Variants in DEAF1 observed in about 807,000 individuals in gnomAD.
The protein encoded by DEAF1 is deformed epidermal autoregulatory factor 1 homolog.
In DEAF1, 53 loss-of-function variants were observed where a neutral mutation model predicts 58.9. The observed-to-expected ratio is 0.90, with a 90% confidence interval of 0.72 to 1.13. The LOEUF (loss-of-function observed/expected upper bound fraction) is 1.13. Ranked by LOEUF, DEAF1 falls within the 50% of genes most tolerant of loss-of-function variation. The probability of loss-of-function intolerance (pLI) is 0.00; values close to 1 mark genes in which losing one functional copy is unlikely to be tolerated. For missense variants in DEAF1, 685 were observed against 791.4 expected (o/e 0.87, Z 1.61); for synonymous variants, 385 against 340.4 (o/e 1.13, Z -1.44).
chr11:646,203 A>T (rs1353590906), intron 11 of DEAF1: 1 of 147,762 alleles, frequency 6.8e-6, no homozygotes, highest in Admixed American at 6.9e-5. Context: ...CAGTAAGCCA[A>T]GATTGTGCCA....
upstream of DEAF1, chr11:695,812 G>T: frequency 3.2e-6 from 4 of 1,232,408 alleles, no homozygotes; most frequent in Non-Finnish European, 4.1e-6. Flanking sequence ...ACGGACCGGC[G>T]GGCGGGGCGG....
chr11:701,016 C>T (rs556507594), intron 1 of DEAF1: 30 of 441,470 alleles, frequency 6.8e-5, no homozygotes, highest in East Asian at 5.7e-4. Flanking sequence ...TCTGGAGCTC[C>T]GGAATATTCA....
upstream of DEAF1, chr11:700,082 A>T: frequency 1.4e-6 from 2 of 1,450,000 alleles, no homozygotes; most frequent in Non-Finnish European, 1.9e-6. Flanking sequence ...CCTCTTGTTC[A>T]GCCACCTGGG....
chr11:674,551 G>T lies in DEAF1; in HGVS notation c.1488C>A (p.Asp496Glu), dbSNP rs34559852. ...AATNQAKIHA[D>E]AERKEQSCVN... ...CCAAGGTTACCTCCTTCCGCTCTGC[G>T]TCAGCGTGGATCTTGGCCTGGTTTG... Residue 496 changes from aspartate to glutamate, a missense_variant, in exon 10 of 12, where the codon GAC (aspartate) becomes GAA (glutamate). This residue lies in a region of DEAF1 where 343 missense variants were observed against 379.8 expected (regional missense o/e 0.90). Coordinates refer to ENST00000382409, the MANE Select transcript of DEAF1 (RefSeq NM_021008.4). 6 of 1,614,036 alleles carry T rather than the reference G, an allele frequency of 3.7e-6. No individual in the cohort carries two copies. In the East Asian group the frequency reaches 1.3e-4, roughly 36 times the overall value.
In DEAF1 at chr11:694,949, TGCCGCG is replaced by T. The variant is rs778970025; in HGVS notation, c.93_98del (p.Ala32_Ala33del). On this transcript the variant is annotated inframe_deletion, in exon 1 of 12. Coordinates refer to ENST00000382409, the MANE Select transcript of DEAF1 (RefSeq NM_021008.4). Reference sequence around the variant, plus strand: ...GCACCGGCTCCTCCGCCTCGCCTCCTGCCGCGGCCGCGGCCGCCGCCGCCACAGCGG... The same window carrying T: ...GCACCGGCTCCTCCGCCTCGCCTCCTGCCGCGGCCGCCGCCGCCACAGCGG... The T allele has an allele frequency of 4.3e-5, 49 of 1,140,304 alleles. No individual in the cohort carries two copies. The highest frequency in any genetic ancestry group is 5.1e-5 in the Non-Finnish European group (47 of 925,694). The allele number at this position is 1,140,304 out of a possible 1,614,324, so 70.6% of individuals were successfully genotyped here.
In DEAF1 at chr11:702,910, G is replaced by C. The variant is rs750578521; in HGVS notation, c.-438+3662C>G. ...GGCGGTGGGCTCCAGGGAGCGCCTC[G>C]CACCACCTTCCCTCCCCTTTGCTCT... On this transcript the variant is annotated intron_variant, in intron 1 of 11. Transcript: ENST00000683307. 3 of 1,553,862 alleles carry C rather than the reference G, an allele frequency of 1.9e-6. No individual in the cohort carries two copies. In the Admixed American group the frequency reaches 5.3e-5, roughly 28 times the overall value.
At chr11:701,942 C>T (rs981906474) in intron 1 of DEAF1, among the ~76,000 whole-genome samples, 1 of 152,224 alleles carries the variant, frequency 6.6e-6, no homozygotes, top group Non-Finnish European at 1.5e-5. Context: ...CAGCCCTCTG[C>T]GTGCTCATGG....
At chr11:646,890 TCA>T (rs1858522411) in intron 11 of DEAF1, among the ~76,000 whole-genome samples, 2 of 152,022 alleles carry the variant, frequency 1.3e-5, no homozygotes, top group East Asian at 1.9e-4. Flanking sequence ...AAAGCCAACA[TCA>T]CAGACTGTAA....
At chr11:655,978 C>T (rs559435193) in intron 10 of DEAF1, among the ~76,000 whole-genome samples, 3 of 151,524 alleles carry the variant, frequency 2.0e-5, no homozygotes, top group African/African-American at 4.8e-5. Flanking sequence ...ACTACAGGCA[C>T]GGACCACCAC....
At position 674,643 on chromosome 11, in the gene DEAF1, T is replaced by A; in HGVS notation, c.1396A>T (p.Thr466Ser). The change falls in exon 10 of 12, where the codon ACA becomes TCA. Residue 466 changes from threonine to serine, a missense_variant. This residue lies in a region of DEAF1 where 343 missense variants were observed against 379.8 expected (regional missense o/e 0.90). Transcript: ENST00000382409. ...LEEMVNSLLN[T>S]AQQLKTLFEQ... ...AACAGCGTCTTCAGCTGCTGCGCTG[T>A]GTTGAGCAAGGAGTTGACCATCTCT... The A allele has an allele frequency of 6.2e-7, 1 of 1,614,146 alleles. No homozygotes were observed. Among genetic ancestry groups the A allele is most frequent in the Non-Finnish European group, 8.5e-7 (1 of 1,180,032 alleles).
At chr11:689,202 C>CTTTTTTTT (rs34046317) in intron 2 of DEAF1, among the ~76,000 whole-genome samples, 13 of 94,178 alleles carry the variant, frequency 1.4e-4, no homozygotes, top group African/African-American at 2.0e-4. Flanking sequence ...TTTTCTTTTT[C>CTTTTTTTT]TTTTTTTTTT....
upstream of DEAF1, chr11:698,808 G>A (rs1861314026): frequency 1.9e-6 from 3 of 1,604,974 alleles, no homozygotes; most frequent in Middle Eastern, 1.7e-4. Flanking sequence ...AGTGTGGAGC[G>A]AGACCCGGGA....
At position 686,859 on chromosome 11, in the gene DEAF1, T is replaced by C; in HGVS notation, c.803A>G (p.Gln268Arg). 1.2e-6 allele frequency: 2 copies of C among 1,614,168 alleles called. No individual in the cohort carries two copies. Among genetic ancestry groups the C allele is most frequent in the Non-Finnish European group, 1.7e-6 (2 of 1,180,042 alleles). Residue 268 changes from glutamine (Q) to arginine (R), a missense_variant and splice_region_variant, in exon 5 of 12, where the codon CAG becomes CGG. Coordinates refer to ENST00000382409, the MANE Select transcript of DEAF1 (RefSeq NM_021008.4). ...YAGRPLQCLI[Q>R]DGILNPHAAS... ...CACAGGTGAGGTCACGGACGATACC[T>C]GGATGAGGCACTGCAAGGGTCGGCC...
At chr11:649,208 G>A (rs1233523851) in intron 11 of DEAF1, among the ~76,000 whole-genome samples, 2 of 152,062 alleles carry the variant, frequency 1.3e-5, no homozygotes, top group Admixed American at 6.6e-5. Flanking sequence ...CCGAGATTGC[G>A]CCACTGCACT....
chr11:695,449 G>A, upstream of DEAF1: 3 of 513,140 alleles, frequency 5.8e-6, no homozygotes, highest in Non-Finnish European at 9.1e-6. Flanking sequence ...GTCCCCGGCC[G>A]ACAGGGCTGG....
At chr11:679,344 A>G (rs922085103) in intron 8 of DEAF1, among the ~76,000 whole-genome samples, 1 of 151,428 alleles carries the variant, frequency 6.6e-6, no homozygotes, top group Non-Finnish European at 1.5e-5. Flanking sequence ...TTCTAACTCT[A>G]TTTTCCTCAG....
At chr11:693,643 G>C (rs1429423639) in intron 1 of DEAF1, 1 of 152,320 alleles carries the variant, frequency 6.6e-6, no homozygotes, top group African/African-American at 2.4e-5. Flanking sequence ...GAAGAATACA[G>C]TGCGTTAGGA....
At chr11:654,571 C>A (rs1429357381) in intron 10 of DEAF1, 2 of 455,232 alleles carry the variant, frequency 4.4e-6, no homozygotes, top group African/African-American at 4.0e-5. Flanking sequence ...CCCCTACATT[C>A]ATTCACTGGA....
At chr11:673,539 TA>T (rs1859924560) in intron 10 of DEAF1, among the ~76,000 whole-genome samples, 1 of 152,028 alleles carries the variant, frequency 6.6e-6, no homozygotes, top group South Asian at 2.1e-4. Context: ...CAAATAAAAA[TA>T]AAAATAGAAA....
Sources: allele counts gnomAD v4.1 joint callset (sites outside exome capture counted in the v4.1 genomes callset), GRCh38; gene constraint gnomAD v4.1.1; regional missense constraint gnomAD v4.1.1; transcripts MANE v1.5; gene names NCBI Gene and HGNC (gene_info 2026-07-23, HGNC 2026-07-21).